Variants in HDAC4 observed in about 807,000 individuals in gnomAD.
The protein encoded by HDAC4 is histone deacetylase 4.
Under a neutral mutation model 135.1 loss-of-function variants are expected in HDAC4, and 16 were observed. The ratio of observed to expected loss-of-function variants is 0.12; its 90% CI spans 0.08 to 0.18. The LOEUF is 0.18. Among genes scored for constraint, HDAC4 ranks in the 10% least tolerant of loss-of-function variants. The probability of loss-of-function intolerance (pLI) is 1.00; values close to 1 mark genes in which losing one functional copy is unlikely to be tolerated. For synonymous variants in HDAC4, 685 were observed against 653.4 expected, an observed-to-expected ratio of 1.05 and a Z score of -0.74; for missense variants, 1,143 against 1,511.8, an observed-to-expected ratio of 0.76 and a Z score of 4.05.
At chr2:239,243,044 T>C (rs910940864) in intron 2 of HDAC4, among the ~76,000 whole-genome samples, 5 of 152,110 alleles carry the variant, frequency 3.3e-5, no homozygotes, top group African/African-American at 1.2e-4. Context: ...CTAAACTCTT[T>C]TCCACGCTTG....
At chr2:239,086,220 G>A (rs1186672924) in intron 19 of HDAC4, among the ~76,000 whole-genome samples, 3 of 10,742 alleles carry the variant, frequency 2.8e-4, no homozygotes, top group Admixed American at 5.2e-4. Flanking sequence ...CTCACGTACA[G>A]TCTCCTCCCT....
In HDAC4 at chr2:239,314,776, G is replaced by A. The variant is rs1454761657; in HGVS notation, c.22+37902C>T. On this transcript the variant is annotated intron_variant, in intron 2 of 26. Coordinates refer to ENST00000543185, the MANE Select transcript of HDAC4 (RefSeq NM_001378414.1). ...GACGTTAGAGGACTGGAAGGACAGA[G>A]GAAGATATGCTAACACACATCTGTA... Among the ~76,000 whole-genome samples, 3 of 152,186 alleles carry A rather than the reference G, an allele frequency of 2.0e-5. No homozygotes were observed. In the East Asian group the frequency reaches 5.8e-4, roughly 29 times the overall value.
rs1216821252 is a variant in HDAC4 at position 239,146,704 on chromosome 2, A to C, written c.734-1990T>G. ...CTGCTTCACCCCACCCCTTCCCTCCACTCCCCTCCCCTTCCCTCCTCTCCC... is the reference window on the plus strand; with the variant it reads ...CTGCTTCACCCCACCCCTTCCCTCCCCTCCCCTCCCCTTCCCTCCTCTCCC... On this transcript the variant is annotated intron_variant, in intron 7 of 26. Transcript: ENST00000543185. The surrounding 1 kb of genome is among the most constrained non-coding windows in gnomAD (Gnocchi z 4.5). 1.6e-3 allele frequency among the ~76,000 whole-genome samples: 116 copies of C among 71,114 alleles called. No homozygotes were observed. Among genetic ancestry groups the C allele is most frequent in the African/African-American group, 2.1e-3 (38 of 18,142 alleles). 46.7% of individuals were successfully genotyped at this position (71,114 alleles called of 152,430 possible).
In HDAC4 at chr2:239,054,396, G is replaced by C. The variant is rs1214409056; in HGVS notation, c.3088+353C>G. On this transcript the variant is annotated intron_variant, in intron 25 of 26. Transcript: ENST00000543185. ...CAGGACGTGGGCTTCTCTGGTCCAGGGAAGAGGCCGGAGTCCCCAGGGTAC... is the reference window on the plus strand; with the variant it reads ...CAGGACGTGGGCTTCTCTGGTCCAGCGAAGAGGCCGGAGTCCCCAGGGTAC... Among the ~76,000 whole-genome samples the C allele has an allele frequency of 2.0e-5, 3 of 152,246 alleles. No individual in the cohort carries two copies. In the South Asian group the frequency reaches 6.2e-4, roughly 32 times the overall value.
At chr2:239,264,797 G>T (rs1302717100) in intron 2 of HDAC4, among the ~76,000 whole-genome samples, 4 of 152,212 alleles carry the variant, frequency 2.6e-5, no homozygotes, top group African/African-American at 4.8e-5. Flanking sequence ...CTGTGCAGGG[G>T]GGACACCTGG....
In HDAC4 at chr2:239,269,164, AATTCACACACCCAC is replaced by A. The variant is rs569128300; in HGVS notation, c.23-32514_23-32501del. On this transcript the variant is annotated intron_variant, in intron 2 of 26. Transcript: ENST00000543185. The stretch of plus-strand genomic sequence containing the variant: ...TCTACATACATTCATACATCTACAC[AATTCACACACCCAC>A]ATTCACACACCCACACACATTCACA... Among the ~76,000 whole-genome samples the A allele has an allele frequency of 7.0e-4, 107 of 151,802 alleles. 1 individual carries two copies. In the South Asian group the frequency reaches 0.021, roughly 30 times the overall value.
rs2052402078 is a variant in HDAC4 at position 239,303,647 on chromosome 2, C to T, written c.22+49031G>A. On this transcript the variant is annotated intron_variant, in intron 2 of 26. Coordinates refer to ENST00000543185, the MANE Select transcript of HDAC4 (RefSeq NM_001378414.1). The surrounding 1 kb of genome is among the most constrained non-coding windows in gnomAD (Gnocchi z 5.1). ...GGAAACCAACAGGTTGAGCTGCTGC[C>T]TCAAGTAAAAAATTCAAGTCAGCCC... is the stretch of plus-strand genomic sequence containing the variant. Among the ~76,000 whole-genome samples the T allele has an allele frequency of 1.3e-5, 2 of 151,916 alleles. No homozygotes were observed. The highest frequency in any genetic ancestry group is 2.4e-5 in the African/African-American group (1 of 41,324).
chr2:239,335,542 A>C (rs1322936855), intron 2 of HDAC4, among the ~76,000 whole-genome samples: 1 of 151,022 alleles, frequency 6.6e-6, no homozygotes, highest in Non-Finnish European at 1.5e-5. Context: ...ACCATTAAGA[A>C]AGGGAAAACG....
In HDAC4 at chr2:239,331,167, C is replaced by A. The variant is rs13407112; in HGVS notation, c.22+21511G>T. Among the ~76,000 whole-genome samples, 1 of 152,130 alleles carries A rather than the reference C, an allele frequency of 6.6e-6. No individual in the cohort carries two copies. Among genetic ancestry groups the A allele is most frequent in the South Asian group, 2.1e-4 (1 of 4,830 alleles). The stretch of plus-strand genomic sequence containing the variant: ...GCTGATGGGCCATCGGAGCAAAGCG[C>A]GGCCAGCACTGTCGTGACATTGATG... On this transcript the variant is annotated intron_variant, in intron 2 of 26. Transcript: ENST00000543185. The surrounding 1 kb of genome is among the most constrained non-coding windows in gnomAD (Gnocchi z 4.5).
At chr2:239,241,772 A>C (rs908271822) in intron 2 of HDAC4, among the ~76,000 whole-genome samples, 1 of 152,144 alleles carries the variant, frequency 6.6e-6, no homozygotes, top group Non-Finnish European at 1.5e-5. Flanking sequence ...TTTTCCTATG[A>C]TAACAGCCAA....
chr2:239,317,602 A>T (rs1221218362), intron 2 of HDAC4, among the ~76,000 whole-genome samples: 1 of 152,200 alleles, frequency 6.6e-6, no homozygotes, highest in East Asian at 1.9e-4. Context: ...TTGATAATAA[A>T]AGGTTATAAC....
Position 239,262,704 on chromosome 2 carries a change from G to A in HDAC4, c.23-26040C>T, listed in dbSNP as rs1204689478. 1.3e-5 allele frequency among the ~76,000 whole-genome samples: 2 copies of A among 152,336 alleles called. No homozygotes were observed. The highest frequency in any genetic ancestry group is 4.8e-5 in the African/African-American group (2 of 41,594). ...CCACAAGCGGGACACCCCCAAGGGT[G>A]CACACGGCTGAAGGCGCAACGGGCA... On this transcript the variant is annotated intron_variant, in intron 2 of 26. Coordinates refer to ENST00000543185, the MANE Select transcript of HDAC4 (RefSeq NM_001378414.1). This position sits in a 1 kb window ranked among gnomAD's most constrained non-coding sequence, Gnocchi z 4.1.
intron 2 of HDAC4, among the ~76,000 whole-genome samples, chr2:239,293,005 T>C (rs913155696): frequency 6.6e-6 from 1 of 152,206 alleles, no homozygotes; most frequent in African/African-American, 2.4e-5. Context: ...AACAGCTGAA[T>C]GTCCCTATAG....
intron 4 of HDAC4, among the ~76,000 whole-genome samples, chr2:239,183,976 ACT>A (rs1559192944): frequency 6.7e-6 from 1 of 148,354 alleles, no homozygotes; most frequent in South Asian, 2.1e-4. Flanking sequence ...AGCTCTGAAA[ACT>A]CTCTCCTATC....
At chr2:239,294,495 C>G (rs1028113602) in intron 2 of HDAC4, among the ~76,000 whole-genome samples, 2 of 152,132 alleles carry the variant, frequency 1.3e-5, no homozygotes, top group African/African-American at 2.4e-5. Flanking sequence ...AACTAAGTCC[C>G]CGTTGAAGGT....
At position 239,094,986 on chromosome 2, in the gene HDAC4, T is replaced by C. The variant is rs1300114068; in HGVS notation, c.2280+24A>G. Reference sequence around the variant, plus strand: ...GGACTCGAGAAGAAACAGGACATTATTTACACATTAAAGGAACACTTACCC... The same window carrying C: ...GGACTCGAGAAGAAACAGGACATTACTTACACATTAAAGGAACACTTACCC... On this transcript the variant is annotated intron_variant, in intron 17 of 26. Coordinates refer to ENST00000543185, the MANE Select transcript of HDAC4 (RefSeq NM_001378414.1). 1.9e-6 allele frequency: 3 copies of C among 1,613,704 alleles called. No homozygotes were observed. The African/African-American group carries it at 4.0e-5, about 22-fold the overall frequency.
At chr2:239,223,856 A>T (rs1180788539) in intron 3 of HDAC4, among the ~76,000 whole-genome samples, 1 of 140,436 alleles carries the variant, frequency 7.1e-6, no homozygotes, top group East Asian at 2.0e-4. Flanking sequence ...AACATTGTTT[A>T]AAAAAAAAAA....
intron 1 of HDAC4, among the ~76,000 whole-genome samples, chr2:239,358,899 C>T (rs1023437636): frequency 3.9e-5 from 6 of 152,144 alleles, no homozygotes; most frequent in Non-Finnish European, 8.8e-5. Flanking sequence ...CTCAGCCTTA[C>T]CGTATCCAGG....
At chr2:239,109,797 C>T (rs879649703) in intron 14 of HDAC4, among the ~76,000 whole-genome samples, 1 of 152,160 alleles carries the variant, frequency 6.6e-6, no homozygotes, top group African/African-American at 2.4e-5. Flanking sequence ...CAACCAGTTG[C>T]TCACGGATAC....
Sources: allele counts gnomAD v4.1 joint callset (sites outside exome capture counted in the v4.1 genomes callset), GRCh38; gene constraint gnomAD v4.1.1; non-coding constraint Gnocchi (gnomAD v3.1); transcripts MANE v1.5; gene names NCBI Gene and HGNC (gene_info 2026-07-23, HGNC 2026-07-21).